The following GPT2 variants were observed in gnomAD, a reference collection of about 807,000 sequenced individuals.
GPT2 encodes the protein alanine aminotransferase 2.
Under a neutral mutation model 56.9 loss-of-function variants are expected in GPT2, and 30 were observed. The ratio of observed to expected loss-of-function variants is 0.53; its 90% CI spans 0.39 to 0.72. GPT2 has a LOEUF of 0.72. Ranked by LOEUF, GPT2 falls within the 30% of genes least tolerant of loss-of-function variation. The probability of loss-of-function intolerance (pLI) is 0.00; values close to 1 mark genes in which losing one functional copy is unlikely to be tolerated. For missense variants in GPT2, 542 were observed against 703.4 expected (o/e 0.77, Z 2.60); for synonymous variants, 271 against 283.1 (o/e 0.96, Z 0.43).
Position 46,905,314 on chromosome 16 carries a change from G to A in GPT2, c.443-1528G>A, listed in dbSNP as rs570423071. On this transcript the variant is annotated intron_variant, in intron 4 of 11. Transcript: ENST00000340124. ...TCTGCCTGCCTCAACCTCCCAAAGT[G>A]CTGGGAGTAGAGGCGTGAACCACTG... 4.6e-5 allele frequency among the ~76,000 whole-genome samples: 7 copies of A among 152,202 alleles called. No individual in the cohort carries two copies. The South Asian group carries it at 1.0e-3, about 23-fold the overall frequency.
rs1961537863 is a variant in GPT2, at chr16:46,931,179, G to GATC, written c.*2184_*2186dup. 6.6e-6 allele frequency: 1 copy of GATC among 152,214 alleles called. No individual in the cohort carries two copies. The highest frequency in any genetic ancestry group is 2.4e-5 in the African/African-American group (1 of 41,458). 9.4% of individuals were successfully genotyped at this position (152,214 alleles called of 1,614,324 possible). On this transcript the variant is annotated 3_prime_UTR_variant, in exon 12 of 12. Coordinates refer to ENST00000340124, the MANE Select transcript of GPT2 (RefSeq NM_133443.4). ...GGAGTGTTGGGGAGGAACAGATGCA[G>GATC]ATCAACCTGTGGCTGTTTTCCCGTC...
At chr16:46,916,462 C>T (rs1961165864) in intron 6 of GPT2, 166 bp from the exon 7 acceptor site, 1 of 650,974 alleles carries the variant, frequency 1.5e-6, no homozygotes, top group Non-Finnish European at 2.9e-6. Context: ...TGGAGGCCGA[C>T]TACACCATCA....
At chr16:46,925,359 C>T (rs1215309682) in intron 10 of GPT2, among the ~76,000 whole-genome samples, 1 of 152,016 alleles carries the variant, frequency 6.6e-6, no homozygotes, top group Non-Finnish European at 1.5e-5. Flanking sequence ...GTAGCTGGGA[C>T]TATAGGCACC....
intron 6 of GPT2, among the ~76,000 whole-genome samples, chr16:46,914,466 G>T (rs559217040): frequency 6.6e-6 from 1 of 152,340 alleles, no homozygotes; most frequent in East Asian, 1.9e-4. Context: ...GAACCCAGGA[G>T]GCAGAGGTTG....
At chr16:46,898,918 A>G (rs1442655779) in intron 3 of GPT2, among the ~76,000 whole-genome samples, 3 of 146,096 alleles carry the variant, frequency 2.1e-5, no homozygotes, top group Non-Finnish European at 3.0e-5. Flanking sequence ...ATATACACAC[A>G]CATATATATG....
intron 9 of GPT2, among the ~76,000 whole-genome samples, chr16:46,923,630 C>T (rs1377896028): frequency 6.6e-6 from 1 of 152,256 alleles, no homozygotes; most frequent in Non-Finnish European, 1.5e-5. Context: ...CTGCAGCCCA[C>T]ACCTTCCACG....
chr16:46,895,100 A>T (rs752533640), intron 2 of GPT2, among the ~76,000 whole-genome samples: 5 of 152,054 alleles, frequency 3.3e-5, no homozygotes, highest in Admixed American at 1.3e-4. Context: ...GTCCAGAGCC[A>T]CTTCCGGGGC....
intron 2 of GPT2, among the ~76,000 whole-genome samples, chr16:46,896,237 G>A (rs138540165): frequency 6.6e-6 from 1 of 152,324 alleles, no homozygotes; most frequent in African/African-American, 2.4e-5. Context: ...GGTTTATCAG[G>A]GAAATGTGCA....
At chr16:46,924,093 C>T (rs1370966034) in intron 9 of GPT2, 1 of 423,748 alleles carries the variant, frequency 2.4e-6, no homozygotes, top group East Asian at 5.4e-5. Flanking sequence ...GTGTTCCACC[C>T]ACCTCCCTGT....
intron 8 of GPT2, among the ~76,000 whole-genome samples, chr16:46,919,462 A>T (rs572857711): frequency 1.3e-5 from 2 of 152,168 alleles, no homozygotes; most frequent in Non-Finnish European, 2.9e-5. Context: ...AACTGTGCAG[A>T]TATCTGGGGG....
rs1961473297 is a variant in GPT2 at position 46,928,917 on chromosome 16, C to A, written c.1492C>A (p.Leu498Ile). The A allele has an allele frequency of 6.2e-7, 1 of 1,613,426 alleles. No homozygotes were observed. Among genetic ancestry groups the A allele is most frequent in the Non-Finnish European group, 8.5e-7 (1 of 1,179,460 alleles). ...EGTYHFRMTI[L>I]PPVEKLKTVL... ...TGTCTCTCCTGCCAGGATGACTATC[C>A]TCCCTCCAGTGGAGAAGCTGAAAAC... Residue 498 changes from leucine (L) to isoleucine (I), a missense_variant, in exon 12 of 12, where the codon CTC (leucine) becomes ATC (isoleucine). Transcript: ENST00000340124.
intron 9 of GPT2, 87 bp downstream of exon 9, chr16:46,922,503 C>T: frequency 1.5e-6 from 2 of 1,324,538 alleles, no homozygotes; most frequent in Non-Finnish European, 2.1e-6. Context: ...CTCCAGGTGG[C>T]CAGACAGCAG....
At position 46,929,039 on chromosome 16, in the gene GPT2, C is replaced by T. The variant is rs1327710923; in HGVS notation, c.*42C>T. 1 of 1,490,992 alleles carries T rather than the reference C, an allele frequency of 6.7e-7. No individual in the cohort carries two copies. Among genetic ancestry groups the T allele is most frequent in the Non-Finnish European group, 9.4e-7 (1 of 1,068,246 alleles). The allele number at this position is 1,490,992 out of a possible 1,614,324, so 92.4% of individuals were successfully genotyped here. On this transcript the variant is annotated 3_prime_UTR_variant, in exon 12 of 12. Transcript: ENST00000340124. ...GCGGGAGACCTGTCCTTGGCTCTTC[C>T]TCCCAATGCCCGTCAGGCTGAACTC...
chr16:46,889,630 G>C (rs558757008), intron 2 of GPT2, among the ~76,000 whole-genome samples: 1 of 152,308 alleles, frequency 6.6e-6, no homozygotes, highest in South Asian at 2.1e-4. Context: ...GCCCAAGTCA[G>C]TCACCACACA....
intron 4 of GPT2, among the ~76,000 whole-genome samples, chr16:46,902,234 C>T (rs1313739553): frequency 6.6e-6 from 1 of 152,184 alleles, no homozygotes; most frequent in African/African-American, 2.4e-5. Context: ...CAGCAAAAGA[C>T]CAGTTGGCCC....
intron 2 of GPT2, among the ~76,000 whole-genome samples, chr16:46,893,628 C>T (rs962800494): frequency 2.0e-5 from 3 of 152,146 alleles, no homozygotes; most frequent in Admixed American, 6.5e-5. Context: ...AGTTATTCTC[C>T]CTGCTAACAC....
intron 6 of GPT2, among the ~76,000 whole-genome samples, chr16:46,912,026 G>A (rs183958331): frequency 2.2e-4 from 33 of 152,226 alleles, no homozygotes; most frequent in African/African-American, 6.0e-4. Flanking sequence ...CCTTGCTCCC[G>A]GGGTCTTCAC....
intron 6 of GPT2, among the ~76,000 whole-genome samples, chr16:46,913,762 A>G (rs1258891422): frequency 6.6e-6 from 1 of 152,160 alleles, no homozygotes; most frequent in Non-Finnish European, 1.5e-5. Context: ...ATGTATGTAT[A>G]TATATATGTA....
In GPT2 at chr16:46,912,723, CA is replaced by C. The variant is rs1329266780; in HGVS notation, c.820+2798del. Among the ~76,000 whole-genome samples the C allele has an allele frequency of 5.3e-5, 8 of 152,320 alleles. No homozygotes were observed. The East Asian group carries it at 1.2e-3, about 22-fold the overall frequency. ...AAGGGGGAGCACGCACATCGCATGG[CA>C]AGAGCAGGAACAAGAGAGAGAATCA... is the stretch of plus-strand genomic sequence containing the variant. On this transcript the variant is annotated intron_variant, in intron 6 of 11. Transcript: ENST00000340124.
Sources: allele counts gnomAD v4.1 joint callset (sites outside exome capture counted in the v4.1 genomes callset), GRCh38; gene constraint gnomAD v4.1.1; transcripts MANE v1.5; gene names NCBI Gene and HGNC (gene_info 2026-07-23, HGNC 2026-07-21).